Variants in DSCAM observed in about 807,000 individuals in gnomAD.
The protein encoded by DSCAM is cell adhesion molecule DSCAM.
DSCAM carries 47 observed loss-of-function variants against 217.7 expected under a neutral mutation model. The observed-to-expected ratio is 0.22, with a 90% CI of 0.17 to 0.28. The LOEUF (loss-of-function observed/expected upper bound fraction) is 0.28. DSCAM is among the 10% of genes least tolerant of loss of function. DSCAM has a pLI of 1.00. For synonymous variants in DSCAM, 1,056 were observed against 1,015.3 expected (o/e 1.04, Z -0.76); for missense variants, 2,080 against 2,618.3 (o/e 0.79, Z 4.49).
At chr21:40,713,033 A>C (rs2090799830) in intron 1 of DSCAM, among the ~76,000 whole-genome samples, 5 of 152,208 alleles carry the variant, frequency 3.3e-5, no homozygotes, top group Admixed American at 3.3e-4. Flanking sequence ...GATCAGGGGA[A>C]GCATCAAAAG....
chr21:40,714,123 G>A (rs2090813716), intron 1 of DSCAM, among the ~76,000 whole-genome samples: 1 of 152,190 alleles, frequency 6.6e-6, no homozygotes, highest in Non-Finnish European at 1.5e-5. Flanking sequence ...TTCCCAGAAA[G>A]CCTGCGGCCC....
At chr21:40,509,991 G>T (rs2076245715) in intron 3 of DSCAM, among the ~76,000 whole-genome samples, 1 of 152,064 alleles carries the variant, frequency 6.6e-6, no homozygotes, top group Admixed American at 6.6e-5. Context: ...AGGCGTGGTG[G>T]CACACAACTG....
In DSCAM at chr21:40,846,611, A is replaced by C. The variant is rs1174133714; in HGVS notation, c.43+8T>G. 1 of 1,262,338 alleles carries C rather than the reference A, an allele frequency of 7.9e-7. No individual in the cohort carries two copies. The highest frequency in any genetic ancestry group is 1.0e-6 in the Non-Finnish European group (1 of 993,366). The allele number at this position is 1,262,338 out of a possible 1,614,324, so 78.2% of individuals were successfully genotyped here. Reference sequence around the variant, plus strand: ...GAAACGAAATTCATCACAAACCGAAAGGCTCACCATTCGCGAAGCTCTGGA... The same window carrying C: ...GAAACGAAATTCATCACAAACCGAACGGCTCACCATTCGCGAAGCTCTGGA... On this transcript the variant is annotated splice_region_variant and intron_variant, in intron 1 of 32. Coordinates refer to ENST00000400454, the MANE Select transcript of DSCAM (RefSeq NM_001389.5).
At chr21:40,383,759 CTAGT>C (rs2075051516) in intron 3 of DSCAM, 1 of 152,054 alleles carries the variant, frequency 6.6e-6, no homozygotes, top group African/African-American at 2.4e-5. Flanking sequence ...ATCTGTATGG[CTAGT>C]TAAACTGATT....
chr21:40,423,491 G>T (rs973488802), intron 3 of DSCAM, among the ~76,000 whole-genome samples: 1 of 152,202 alleles, frequency 6.6e-6, no homozygotes, highest in Non-Finnish European at 1.5e-5. Context: ...GGAAAGGGGT[G>T]CAAGACACCT....
chr21:40,653,515 G>A (rs1479381269), intron 3 of DSCAM, among the ~76,000 whole-genome samples: 1 of 152,062 alleles, frequency 6.6e-6, no homozygotes, highest in Non-Finnish European at 1.5e-5. Context: ...ACTCAATGAT[G>A]GAAACTTGGT....
intron 1 of DSCAM, among the ~76,000 whole-genome samples, chr21:40,729,418 AC>A (rs1462501643): frequency 1.3e-5 from 2 of 152,148 alleles, no homozygotes; most frequent in Non-Finnish European, 2.9e-5. Flanking sequence ...CACTTAAAAC[AC>A]CTTTGATCTA....
intron 27 of DSCAM, among the ~76,000 whole-genome samples, chr21:40,073,581 G>A (rs1729760785): frequency 6.6e-6 from 1 of 152,194 alleles, no homozygotes; most frequent in South Asian, 2.1e-4. Flanking sequence ...TTATACGCTT[G>A]TAGTTCTGTT....
chr21:40,756,976 C>CAT (rs35592258), intron 1 of DSCAM, among the ~76,000 whole-genome samples: 85,467 of 149,542 alleles, frequency 0.57, 24,271 homozygotes, highest in Middle Eastern at 0.61. Flanking sequence ...AACAAATGGT[C>CAT]GTGTGTGTGT....
intron 19 of DSCAM, among the ~76,000 whole-genome samples, chr21:40,132,299 A>T (rs995607362): frequency 1.3e-4 from 20 of 152,294 alleles, no homozygotes; most frequent in African/African-American, 4.6e-4. Context: ...AATCCAGTTC[A>T]GAGACACTTA....
At chr21:40,396,543 G>C (rs908251256) in intron 3 of DSCAM, among the ~76,000 whole-genome samples, 4 of 152,138 alleles carry the variant, frequency 2.6e-5, no homozygotes, top group African/African-American at 9.7e-5. Context: ...CCTGAGCTGG[G>C]TGCCCACCAG....
At chr21:40,740,617 A>T (rs1020450733) in intron 1 of DSCAM, among the ~76,000 whole-genome samples, 7 of 152,206 alleles carry the variant, frequency 4.6e-5, no homozygotes, top group Non-Finnish European at 1.0e-4. Flanking sequence ...TTTTGGATAA[A>T]GTGAATGGAA....
At chr21:40,652,347 C>CAAA (rs56384103) in intron 3 of DSCAM, among the ~76,000 whole-genome samples, 1 of 142,684 alleles carries the variant, frequency 7.0e-6, no homozygotes, top group Non-Finnish European at 1.6e-5. Context: ...ACAACAACAA[C>CAAA]AAAAAAAAAA....
chr21:40,256,404 CAGAGAGAGAG>C (rs148333628), intron 11 of DSCAM, among the ~76,000 whole-genome samples: 1 of 147,714 alleles, frequency 6.8e-6, no homozygotes, highest in Admixed American at 6.8e-5. Flanking sequence ...GAGAGACAGA[CAGAGAGAGAG>C]AGAGAGAGAC....
intron 3 of DSCAM, among the ~76,000 whole-genome samples, chr21:40,672,663 G>C (rs905468802): frequency 5.9e-5 from 9 of 152,080 alleles, no homozygotes; most frequent in African/African-American, 2.2e-4. Flanking sequence ...AGTGCCTAAA[G>C]GGCTTTGCCT....
At chr21:40,800,655 TA>T in intron 1 of DSCAM, among the ~76,000 whole-genome samples, 1 of 152,124 alleles carries the variant, frequency 6.6e-6, no homozygotes, top group South Asian at 2.1e-4. Flanking sequence ...AGGCCAAACT[TA>T]AGAATGATGA....
At position 40,559,983 on chromosome 21, in the gene DSCAM, C is replaced by T. The variant is rs1051784880; in HGVS notation, c.508+132827G>A. ...TAATTTTTTGTATTTTTAGTAGAGA[C>T]GGGGTTTCACCGTGTTAGCCAGGAT... On this transcript the variant is annotated intron_variant, in intron 3 of 32. Coordinates refer to ENST00000400454, the MANE Select transcript of DSCAM (RefSeq NM_001389.5). Among the ~76,000 whole-genome samples, 11 of 151,800 alleles carry T rather than the reference C, an allele frequency of 7.2e-5. No individual in the cohort carries two copies. The East Asian group carries it at 9.8e-4, about 13-fold the overall frequency.
chr21:40,151,594 G>A (rs1353954631), intron 16 of DSCAM, among the ~76,000 whole-genome samples: 1 of 152,230 alleles, frequency 6.6e-6, no homozygotes, highest in Non-Finnish European at 1.5e-5. Flanking sequence ...AAAAAAAAGA[G>A]GTGGGTAAGA....
At chr21:40,378,895 C>A (rs1364544242) in intron 3 of DSCAM, among the ~76,000 whole-genome samples, 1 of 148,224 alleles carries the variant, frequency 6.7e-6, no homozygotes, top group African/African-American at 2.5e-5. Flanking sequence ...GCCCGGCCAA[C>A]AATGAAAACT....
Sources: allele counts gnomAD v4.1 joint callset (sites outside exome capture counted in the v4.1 genomes callset), GRCh38; gene constraint gnomAD v4.1.1; transcripts MANE v1.5; gene names NCBI Gene and HGNC (gene_info 2026-07-23, HGNC 2026-07-21).